The following NEGR1 variants were observed in gnomAD, a reference collection of about 807,000 sequenced individuals.
NEGR1 encodes IgLON family member 4.
In NEGR1, 10 loss-of-function variants were observed where a neutral mutation model predicts 40.9. That is an observed-to-expected ratio of 0.24 (90% CI 0.15 to 0.42). NEGR1 has a LOEUF of 0.42. Ranked by LOEUF, NEGR1 falls within the 10% of genes least tolerant of loss-of-function variation. NEGR1 has a pLI of 1.00. For synonymous variants in NEGR1, 185 were observed against 166.8 expected (o/e 1.11, Z -0.84); for missense variants, 352 against 438.9 (o/e 0.80, Z 1.77).
At chr1:71,801,492 A>T (rs1657556376) in intron 2 of NEGR1, among the ~76,000 whole-genome samples, 1 of 151,702 alleles carries the variant, frequency 6.6e-6, no homozygotes, top group Admixed American at 6.6e-5. Context: ...TCTAATGAAA[A>T]CTCTTGTTAT....
intron 2 of NEGR1, among the ~76,000 whole-genome samples, chr1:71,904,447 T>C (rs978753788): frequency 3.3e-5 from 5 of 152,088 alleles, no homozygotes; most frequent in Non-Finnish European, 5.9e-5. Flanking sequence ...ATAATTTCCA[T>C]AGTAGAGACA....
intron 2 of NEGR1, among the ~76,000 whole-genome samples, chr1:71,800,333 C>CAGAA (rs751561746): frequency 6.6e-6 from 1 of 152,110 alleles, no homozygotes; most frequent in Non-Finnish European, 1.5e-5. Flanking sequence ...TTTTGCTGTA[C>CAGAA]AGAAGCTCTT....
chr1:71,711,036 A>C (rs905343928), intron 3 of NEGR1, among the ~76,000 whole-genome samples: 2 of 152,052 alleles, frequency 1.3e-5, no homozygotes, highest in Non-Finnish European at 2.9e-5. Context: ...AAAAAAAGTT[A>C]AAAAAATTTT....
At position 71,819,055 on chromosome 1, in the gene NEGR1, C is replaced by G. The variant is rs76150111; in HGVS notation, c.410-42758G>C. 1.1e-4 allele frequency among the ~76,000 whole-genome samples: 17 copies of G among 152,088 alleles called. No homozygotes were observed. The East Asian group carries it at 3.3e-3, about 30-fold the overall frequency. ...ATATTTTATACAAAGAAGTCAGCATCTGTTCTAGTGAGGGGCTAAAGAAAG... is the reference window on the plus strand; with the variant it reads ...ATATTTTATACAAAGAAGTCAGCATGTGTTCTAGTGAGGGGCTAAAGAAAG... On this transcript the variant is annotated intron_variant, in intron 2 of 6. Coordinates refer to ENST00000357731, the MANE Select transcript of NEGR1 (RefSeq NM_173808.3).
chr1:71,445,015 C>G (rs1248607893), intron 6 of NEGR1, among the ~76,000 whole-genome samples: 1 of 151,998 alleles, frequency 6.6e-6, no homozygotes, highest in East Asian at 1.9e-4. Context: ...TGAATGGGAG[C>G]CCAATAATAA....
intron 6 of NEGR1, among the ~76,000 whole-genome samples, chr1:71,508,493 G>C (rs554084854): frequency 6.6e-6 from 1 of 152,298 alleles, no homozygotes; most frequent in African/African-American, 2.4e-5. Flanking sequence ...AATGGAAACT[G>C]GCAGGGGACT....
chr1:71,809,005 C>T (rs536912828), intron 2 of NEGR1, among the ~76,000 whole-genome samples: 2 of 152,090 alleles, frequency 1.3e-5, no homozygotes, highest in Admixed American at 6.5e-5. Flanking sequence ...TGATTAGATC[C>T]TTAGTTGCAT....
intron 1 of NEGR1, among the ~76,000 whole-genome samples, chr1:72,184,021 CTG>C (rs1250286369): frequency 6.6e-6 from 1 of 151,974 alleles, no homozygotes; most frequent in East Asian, 1.9e-4. Flanking sequence ...TATTGTAGAA[CTG>C]TAATTGAACA....
intron 1 of NEGR1, among the ~76,000 whole-genome samples, chr1:71,951,931 C>T (rs964628916): frequency 6.6e-6 from 1 of 151,842 alleles, no homozygotes; most frequent in African/African-American, 2.4e-5. Flanking sequence ...TTTAGGGAGG[C>T]ATTACAAACT....
At chr1:72,122,704 T>C (rs1436328577) in intron 1 of NEGR1, among the ~76,000 whole-genome samples, 2 of 151,310 alleles carry the variant, frequency 1.3e-5, no homozygotes, top group African/African-American at 4.9e-5. Flanking sequence ...CAGGGTGGAG[T>C]GGTTAACTCC....
chr1:71,687,845 CA>C (rs1403213651), intron 4 of NEGR1, among the ~76,000 whole-genome samples: 2 of 152,166 alleles, frequency 1.3e-5, no homozygotes, highest in Non-Finnish European at 2.9e-5. Flanking sequence ...ATAGTGAAAG[CA>C]GCCTCAGACC....
chr1:72,034,765 A>T, intron 1 of NEGR1, among the ~76,000 whole-genome samples: 1 of 152,168 alleles, frequency 6.6e-6, no homozygotes, highest in Non-Finnish European at 1.5e-5. Context: ...ATAATACAGG[A>T]GTTATTAAGA....
At chr1:71,862,481 T>A (rs1659979118) in intron 2 of NEGR1, among the ~76,000 whole-genome samples, 1 of 152,106 alleles carries the variant, frequency 6.6e-6, no homozygotes, top group African/African-American at 2.4e-5. Context: ...TACAAAAACA[T>A]CACAATTGCT....
intron 6 of NEGR1, among the ~76,000 whole-genome samples, chr1:71,479,464 AG>A (rs1424350949): frequency 1.3e-5 from 2 of 152,026 alleles, no homozygotes; most frequent in Non-Finnish European, 2.9e-5. Context: ...AGTAGAAAAA[AG>A]TCATTATAAA....
At chr1:71,991,466 G>A (rs565508231) in intron 1 of NEGR1, among the ~76,000 whole-genome samples, 45 of 152,142 alleles carry the variant, frequency 3.0e-4, no homozygotes, top group South Asian at 4.1e-4. Context: ...TCCTGCTTCC[G>A]TATTTTGGCT....
intron 4 of NEGR1, among the ~76,000 whole-genome samples, chr1:71,683,195 T>G (rs1652899056): frequency 6.6e-6 from 1 of 152,054 alleles, no homozygotes; most frequent in Non-Finnish European, 1.5e-5. Context: ...TTCTGAGACA[T>G]GGGATGTATC....
At position 71,845,296 on chromosome 1, in the gene NEGR1, A is replaced by T. The variant is rs567043950; in HGVS notation, c.410-68999T>A. Among the ~76,000 whole-genome samples, 9 of 152,290 alleles carry T rather than the reference A, an allele frequency of 5.9e-5. No homozygotes were observed. In the South Asian group the frequency reaches 1.9e-3, roughly 32 times the overall value. The stretch of plus-strand genomic sequence containing the variant: ...GCATAAATATGAAAGCATAAATAGT[A>T]ACCAATTTGTGCATAAATAAGAAGG... On this transcript the variant is annotated intron_variant, in intron 2 of 6. Coordinates refer to ENST00000357731, the MANE Select transcript of NEGR1 (RefSeq NM_173808.3).
intron 4 of NEGR1, among the ~76,000 whole-genome samples, chr1:71,666,173 T>A (rs1652235236): frequency 6.6e-6 from 1 of 152,192 alleles, no homozygotes; most frequent in Non-Finnish European, 1.5e-5. Flanking sequence ...TTACCATCAC[T>A]CAAGAACATT....
At chr1:71,925,207 G>A (rs1026864219) in intron 2 of NEGR1, among the ~76,000 whole-genome samples, 2 of 152,148 alleles carry the variant, frequency 1.3e-5, no homozygotes, top group South Asian at 4.1e-4. Context: ...GTATGCTAAA[G>A]GTATGTGTAT....
Sources: gnomAD v4.1 joint callset for allele counts (sites outside exome capture counted in the v4.1 genomes callset) on GRCh38, gnomAD v4.1.1 for gene constraint, MANE v1.5 for transcripts, NCBI Gene and HGNC (gene_info 2026-07-23, HGNC 2026-07-21) for gene names.